The following MTMR9 variants were observed in gnomAD, a reference collection of about 807,000 sequenced individuals.
The protein encoded by MTMR9 is myotubularin related protein 9.
A neutral mutation model predicts 69.5 loss-of-function variants in MTMR9; 39 were observed. The ratio of observed to expected loss-of-function variants is 0.56; its 90% CI spans 0.43 to 0.73. MTMR9 has a LOEUF of 0.73. Among genes scored for constraint, MTMR9 ranks in the 30% least tolerant of loss-of-function variants. The pLI, the probability that MTMR9 is intolerant of heterozygous loss-of-function variation, is 0.00. For synonymous variants in MTMR9, 354 were observed against 240.8 expected, an observed-to-expected ratio of 1.47 and a Z score of -4.35; for missense variants, 900 against 671.2, an observed-to-expected ratio of 1.34 and a Z score of -3.77.
chr8:11,316,881 A>C lies in MTMR9; in HGVS notation c.1322A>C (p.Asn441Thr). Residue 441 changes from asparagine (N) to threonine (T), a missense_variant, in exon 8 of 10, where the codon AAT (asparagine) becomes ACT (threonine). Asn to Thr is a moderately conservative substitution (Grantham distance 65, BLOSUM62 0). Coordinates refer to ENST00000221086, the MANE Select transcript of MTMR9 (RefSeq NM_015458.4). ...CAGTTTGGAACATTTCTGGGCAACA[A>C]TGAAAGTGAAAGGTGAGTACACTGC... ...ASQFGTFLGN[N>T]ESERCKLKLQ... The C allele has an allele frequency of 6.3e-7, 1 of 1,599,520 alleles. No homozygotes were observed. The highest frequency in any genetic ancestry group is 1.3e-5 in the African/African-American group (1 of 74,508).
rs984992987 is a variant in MTMR9, at chr8:11,289,455, A to G, written c.182+4385A>G. Among the ~76,000 whole-genome samples, 7 of 152,296 alleles carry G rather than the reference A, an allele frequency of 4.6e-5. No individual in the cohort carries two copies. In the South Asian group the frequency reaches 1.5e-3, roughly 32 times the overall value. On this transcript the variant is annotated intron_variant, in intron 1 of 9. Coordinates refer to ENST00000221086, the MANE Select transcript of MTMR9 (RefSeq NM_015458.4). ...TTTTATTTGATCCTTTCAACATGCA[A>G]GGTTGTATACAAGTTTTACAGTTAT...
At chr8:11,306,014 T>C (rs759448735) in intron 4 of MTMR9, among the ~76,000 whole-genome samples, 176 bp from the exon 5 acceptor site, 9 of 152,252 alleles carry the variant, frequency 5.9e-5, no homozygotes, top group Non-Finnish European at 8.8e-5. Context: ...GGCTTATCTT[T>C]TATAGTTATT....
At chr8:11,307,719 G>T (rs969747694) in intron 5 of MTMR9, among the ~76,000 whole-genome samples, 1 of 152,020 alleles carries the variant, frequency 6.6e-6, no homozygotes, top group Non-Finnish European at 1.5e-5. Flanking sequence ...GTTAAATCTT[G>T]TCTTTTTAGT....
intron 8 of MTMR9, chr8:11,318,028 A>G (rs917447709): frequency 4.6e-5 from 7 of 152,188 alleles, no homozygotes; most frequent in African/African-American, 1.7e-4. Flanking sequence ...TTAATGATTA[A>G]CGCATAATCA....
intron 1 of MTMR9, 174 bp downstream of exon 1, chr8:11,285,244 C>G: frequency 1.7e-6 from 1 of 600,438 alleles, no homozygotes; most frequent in Non-Finnish European, 2.8e-6. Context: ...GATGGAGGAC[C>G]CGGTTTCCAT....
intron 7 of MTMR9, among the ~76,000 whole-genome samples, chr8:11,315,616 C>T (rs575181593): frequency 6.6e-6 from 1 of 152,210 alleles, no homozygotes; most frequent in Non-Finnish European, 1.5e-5. Context: ...TATTTGAACA[C>T]AAATGCTTAC....
chr8:11,284,941 A>C lies in MTMR9; in HGVS notation c.53A>C (p.His18Pro), dbSNP rs751957086. ...CCGCGGGTGGACAATGTGGTGCTGC[A>C]CCGGCCTTTCTACCCGGCTGTCGAG... is the stretch of plus-strand genomic sequence containing the variant. ...KTPRVDNVVLHRPFYPAVEGT... is the reference protein window; with the variant it reads ...KTPRVDNVVLPRPFYPAVEGT... The change falls in exon 1 of 10, where the codon CAC becomes CCC. Residue 18 changes from histidine (H) to proline (P), a missense_variant. Transcript: ENST00000221086. 2 of 1,613,842 alleles carry C rather than the reference A, an allele frequency of 1.2e-6. No individual in the cohort carries two copies. Among genetic ancestry groups the C allele is most frequent in the Non-Finnish European group, 1.7e-6 (2 of 1,179,934 alleles).
rs926013452 is a variant in MTMR9, at chr8:11,322,910, C to G, written c.*122C>G. 2.8e-5 allele frequency: 22 copies of G among 783,402 alleles called. 1 individual carries two copies. The highest frequency in any genetic ancestry group is 6.4e-4 in the Middle Eastern group (2 of 3,112). 48.5% of individuals were successfully genotyped at this position (783,402 alleles called of 1,614,324 possible). ...GTGAAGGCTTTAGATGTGGGACCCCCCTAATGTAATGGATTTCTCAATACT... is the reference window on the plus strand; with the variant it reads ...GTGAAGGCTTTAGATGTGGGACCCCGCTAATGTAATGGATTTCTCAATACT... On this transcript the variant is annotated 3_prime_UTR_variant, in exon 10 of 10. Transcript: ENST00000221086.
At chr8:11,306,116 T>C in intron 4 of MTMR9, 74 bp from the exon 5 acceptor site, 1 of 1,278,452 alleles carries the variant, frequency 7.8e-7, no homozygotes, top group Non-Finnish European at 1.1e-6. Context: ...ACTCTTAATC[T>C]AGCTAATTTC....
chr8:11,294,594 C>T (rs531623821), intron 1 of MTMR9, among the ~76,000 whole-genome samples: 8 of 149,282 alleles, frequency 5.4e-5, no homozygotes, highest in Non-Finnish European at 1.2e-4. Context: ...CTCTGCCTCC[C>T]GGGTTCAAGC....
rs972384385 is a variant in MTMR9 at position 11,305,525 on chromosome 8, A to G, written c.591+511A>G. Among the ~76,000 whole-genome samples the G allele has an allele frequency of 9.2e-5, 14 of 152,312 alleles. No individual in the cohort carries two copies. The East Asian group carries it at 2.7e-3, about 29-fold the overall frequency. The stretch of plus-strand genomic sequence containing the variant: ...CTACCTTGTAATGGTGGCGTCTTGA[A>G]AGAACTCTAAACCATTCGCCAGGGA... On this transcript the variant is annotated intron_variant, in intron 4 of 9. Coordinates refer to ENST00000221086, the MANE Select transcript of MTMR9 (RefSeq NM_015458.4).
intron 1 of MTMR9, among the ~76,000 whole-genome samples, chr8:11,287,363 G>GAAAT (rs1432108043): frequency 2.0e-5 from 3 of 152,146 alleles, no homozygotes; most frequent in African/African-American, 7.2e-5. Flanking sequence ...ACAAGGTGCT[G>GAAAT]GGCTTTGTAG....
chr8:11,338,677 A>T, the MTMR9 span, among the ~76,000 whole-genome samples: 5 of 152,212 alleles, frequency 3.3e-5, no homozygotes, highest in Non-Finnish European at 7.3e-5. Context: ...AATATGATCA[A>T]GAATGGGTGA....
intron 2 of MTMR9, among the ~76,000 whole-genome samples, chr8:11,298,190 C>A (rs7013839): frequency 6.6e-6 from 1 of 152,050 alleles, no homozygotes; most frequent in Non-Finnish European, 1.5e-5. Flanking sequence ...AAGGAAAAGA[C>A]CTCTTTCTAG....
chr8:11,284,897 T>C lies in MTMR9; in HGVS notation c.9T>C (p.Phe3=). 6.2e-7 allele frequency: 1 copy of C among 1,606,158 alleles called. No homozygotes were observed. Among genetic ancestry groups the C allele is most frequent in the East Asian group, 2.3e-5 (1 of 43,986 alleles). Residue 3 remains phenylalanine, a synonymous_variant, in exon 1 of 10, where the codon TTT becomes TTC. Coordinates refer to ENST00000221086, the MANE Select transcript of MTMR9 (RefSeq NM_015458.4). The part of the protein sequence containing the change: ME[F]AELIKTPRVD... ...TCCGGCCGCGGGGGAGCATGGAGTT[T>C]GCGGAGCTGATTAAGACCCCGCGGG...
chr8:11,286,187 C>T (rs191182632), intron 1 of MTMR9, among the ~76,000 whole-genome samples: 439 of 151,832 alleles, frequency 2.9e-3, no homozygotes, highest in African/African-American at 0.01. Context: ...CTCCTGACCT[C>T]GCAATCCTCC....
chr8:11,288,307 T>C (rs1344195708), intron 1 of MTMR9, among the ~76,000 whole-genome samples: 1 of 139,776 alleles, frequency 7.2e-6, no homozygotes, highest in African/African-American at 2.7e-5. Context: ...TATATTATAA[T>C]ATGTATATAT....
In MTMR9 at chr8:11,289,193, CAAAA is replaced by C. The variant is rs371290995; in HGVS notation, c.182+4126_182+4129del. Among the ~76,000 whole-genome samples the C allele has an allele frequency of 1.7e-3, 264 of 152,132 alleles. 1 individual carries two copies. The highest frequency in any genetic ancestry group is 5.2e-3 in the African/African-American group (216 of 41,524). On this transcript the variant is annotated intron_variant, in intron 1 of 9. Transcript: ENST00000221086. ...GTCTCAAAACAAACAAACAAACAAA[CAAAA>C]AACAGTAGTGTAGTCACAAGGAATC... is the stretch of plus-strand genomic sequence containing the variant.
chr8:11,287,802 TTATATAATACATATAA>T (rs1327418256), intron 1 of MTMR9, among the ~76,000 whole-genome samples: 1 of 24,738 alleles, frequency 4.0e-5, no homozygotes, highest in Non-Finnish European at 7.1e-5. Context: ...ATAATACATA[TTATATAATACATATAA>T]TATATAATAT....
Sources: allele counts gnomAD v4.1 joint callset (sites outside exome capture counted in the v4.1 genomes callset), GRCh38; gene constraint gnomAD v4.1.1; transcripts MANE v1.5; gene names NCBI Gene and HGNC (gene_info 2026-07-23, HGNC 2026-07-21).